PAK3: variants seen among roughly 807,000 people sequenced by gnomAD.
The protein encoded by PAK3 is p21 (RAC1) activated kinase 3.
In PAK3, 4 loss-of-function variants were observed where a neutral mutation model predicts 41.0. The ratio of observed to expected loss-of-function variants is 0.10; its 90% confidence interval spans 0.05 to 0.22. The LOEUF (loss-of-function observed/expected upper bound fraction) is 0.22, where lower values mean the gene tolerates loss of function less well. Among genes scored for constraint, PAK3 ranks in the 10% least tolerant of loss-of-function variants. The pLI, the probability that PAK3 is intolerant of heterozygous loss-of-function variation, is 1.00. For missense variants in PAK3, 205 were observed against 409.9 expected, an observed-to-expected ratio of 0.50 and a Z score of 4.32; for synonymous variants, 146 against 139.6, an observed-to-expected ratio of 1.05 and a Z score of -0.32.
chrX:111,147,759 G>T lies in PAK3; in HGVS notation c.299G>T (p.Arg100Leu). The T allele has an allele frequency of 1.7e-6, 2 of 1,205,203 alleles. No homozygotes were observed. The highest frequency in any genetic ancestry group is 2.2e-6 in the Non-Finnish European group (2 of 889,789). The change falls in exon 7 of 18, where the codon CGA (arginine) becomes CTA (leucine). Residue 100 changes from arginine to leucine, a missense_variant. Arg to Leu is a moderately radical substitution (Grantham distance 102). Around this residue, in one of 5 missense-constraint regions of PAK3, gnomAD observed 22 missense variants for 83.5 expected, o/e 0.26. Transcript: ENST00000372007. ...CAGGGAATTCCAGAGCAATGGGCAC[G>T]ATTACTCCAAACTTCCAACATAACA... ...EFTGIPEQWA[R>L]LLQTSNITKL...
intron 5 of PAK3, among the ~76,000 whole-genome samples, chrX:111,134,278 G>A (rs1304328103): frequency 9.0e-6 from 1 of 111,627 alleles, no homozygotes; most frequent in Admixed American, 9.5e-5. Flanking sequence ...CCCCACTGTT[G>A]GGGGAAAAAC....
intron 1 of PAK3, among the ~76,000 whole-genome samples, chrX:111,039,307 C>T (rs929330057): frequency 8.9e-6 from 1 of 112,097 alleles, no homozygotes; most frequent in African/African-American, 3.2e-5. Flanking sequence ...CTGTTTCATT[C>T]GTGTGCTGGA....
chrX:110,987,930 C>T (rs1282652361), intron 1 of PAK3, among the ~76,000 whole-genome samples: 2 of 112,040 alleles, frequency 1.8e-5, no homozygotes, highest in African/African-American at 6.5e-5. Flanking sequence ...AGCAGCTTAT[C>T]GAACCTCTGA....
At chrX:111,078,222 T>A (rs1411058892) in intron 1 of PAK3, among the ~76,000 whole-genome samples, 1 of 110,654 alleles carries the variant, frequency 9.0e-6, no homozygotes, top group Non-Finnish European at 1.9e-5. Context: ...TATTGTACTT[T>A]GTTTAATTGT....
At position 110,969,528 on chromosome X, in the gene PAK3, C is replaced by T. The variant is rs1459935456; in HGVS notation, c.-28+24900C>T. Among the ~76,000 whole-genome samples, 7 of 104,261 alleles carry T rather than the reference C, an allele frequency of 6.7e-5. No homozygotes were observed. In the Middle Eastern group the frequency reaches 0.019, roughly 284 times the overall value. 90.5% of individuals were successfully genotyped at this position (104,261 alleles called of 115,157 possible). On this transcript the variant is annotated intron_variant, in intron 1 of 14. Transcript: ENST00000425146. ...GTTGGCCAGGCTGGTCTCAAACTTC[C>T]GACCTCAGGTGATCTGCCCACATTG...
intron 1 of PAK3, among the ~76,000 whole-genome samples, chrX:111,089,771 A>G (rs1482546207): frequency 9.0e-6 from 1 of 110,920 alleles, no homozygotes; most frequent in Admixed American, 9.6e-5. Context: ...GGAGTGTGAC[A>G]ATCTGGATGT....
rs747881488 is a variant in PAK3, at chrX:111,196,493, C to T, written c.1260C>T (p.Ser420=). ...TCACTCCTGAGCAAAGTAAACGAAG[C>T]ACTATGGTGGGAACCCCATATTGGA... ...AQITPEQSKR[S]TMVGTPYWMA... The change falls in exon 16 of 18, where the codon AGC becomes AGT. Residue 420 remains serine, a synonymous_variant. Coordinates refer to ENST00000372007, the MANE Select transcript of PAK3 (RefSeq NM_002578.5). The T allele has an allele frequency of 5.8e-6, 7 of 1,208,987 alleles. No individual in the cohort carries two copies. Among genetic ancestry groups the T allele is most frequent in the Non-Finnish European group, 7.8e-6 (7 of 892,848 alleles).
chrX:111,190,711 G>A (rs2094553002), intron 11 of PAK3, among the ~76,000 whole-genome samples: 1 of 111,743 alleles, frequency 8.9e-6, no homozygotes, highest in Non-Finnish European at 1.9e-5. Flanking sequence ...AATACAAGGA[G>A]AAGGGAAAAG....
chrX:111,216,631 G>A, intron 17 of PAK3, 73 bp downstream of exon 17: 5 of 861,989 alleles, frequency 5.8e-6, no homozygotes, highest in Middle Eastern at 2.8e-4. Context: ...GTGACAGAGA[G>A]CTCTGTCAAG....
At chrX:110,986,435 C>T (rs2091545886) in intron 1 of PAK3, among the ~76,000 whole-genome samples, 1 of 111,743 alleles carries the variant, frequency 8.9e-6, no homozygotes, top group African/African-American at 3.3e-5. Flanking sequence ...AGAGGGAAAA[C>T]ACAGCATAAT....
At chrX:111,019,232 T>A (rs188467829) in intron 1 of PAK3, among the ~76,000 whole-genome samples, 80 of 111,258 alleles carry the variant, frequency 7.2e-4, no homozygotes, top group Non-Finnish European at 1.3e-3. Flanking sequence ...AACAAAAAAA[T>A]GGATAAGTTG....
intron 1 of PAK3, among the ~76,000 whole-genome samples, chrX:111,072,235 C>G (rs2092750861): frequency 8.9e-6 from 1 of 112,794 alleles, no homozygotes; most frequent in Non-Finnish European, 1.9e-5. Context: ...CATTTCCCAA[C>G]CACTTATCCA....
chrX:111,211,263 G>A (rs2094815977), intron 16 of PAK3, among the ~76,000 whole-genome samples: 1 of 110,863 alleles, frequency 9.0e-6, no homozygotes, highest in South Asian at 3.9e-4. Context: ...ATACAGGACT[G>A]CCTAAGGAAT....
chrX:111,121,391 T>C (rs1211031413), intron 4 of PAK3, among the ~76,000 whole-genome samples: 1 of 112,164 alleles, frequency 8.9e-6, no homozygotes, highest in Non-Finnish European at 1.9e-5. Flanking sequence ...AGCTATTAAT[T>C]GATAGTAACC....
rs190435159 is a variant in PAK3 at position 111,163,723 on chromosome X, G to A, written c.762G>A (p.Lys254=). The change falls in exon 10 of 18, where the codon AAG becomes AAA. Residue 254 remains lysine, a synonymous_variant. Transcript: ENST00000372007. Reference sequence around the variant, plus strand: ...TGACAGATGAGGAGATCTTAGAGAAGCTAAGTGAGTACTTCTTGCCATGAT... The same window carrying A: ...TGACAGATGAGGAGATCTTAGAGAAACTAAGTGAGTACTTCTTGCCATGAT... ...SKMTDEEILE[K]LRSIVSVGDP... is the part of the protein sequence containing the mutation. 2 of 1,177,889 alleles carry A rather than the reference G, an allele frequency of 1.7e-6. No homozygotes were observed. The highest frequency in any genetic ancestry group is 3.5e-5 in the African/African-American group (2 of 56,592).
At chrX:111,130,648 T>C (rs188398492) in intron 5 of PAK3, among the ~76,000 whole-genome samples, 2 of 112,114 alleles carry the variant, frequency 1.8e-5, no homozygotes, top group African/African-American at 3.2e-5. Context: ...AAAGATATTA[T>C]AATAAGAGCA....
chrX:111,059,811 T>A lies in PAK3; in HGVS notation c.-27-63266T>A, dbSNP rs1324390871. ...ATATCCTGCAACCTTGCTGAACTTA[T>A]TTGTCTAACAGTTTTTTAGTGAATT... is the stretch of plus-strand genomic sequence containing the variant. On this transcript the variant is annotated intron_variant, in intron 1 of 14. Transcript: ENST00000425146. 2.7e-5 allele frequency among the ~76,000 whole-genome samples: 3 copies of A among 112,109 alleles called. No homozygotes were observed. The Admixed American group carries it at 2.8e-4, about 11-fold the overall frequency.
intron 16 of PAK3, among the ~76,000 whole-genome samples, chrX:111,215,890 A>T (rs149985066): frequency 1.4e-4 from 16 of 112,267 alleles, no homozygotes; most frequent in Non-Finnish European, 3.0e-4. Context: ...TCTCTCATCC[A>T]GGCACTGGCA....
At chrX:111,025,224 A>G (rs2092252159) in intron 1 of PAK3, among the ~76,000 whole-genome samples, 1 of 111,164 alleles carries the variant, frequency 9.0e-6, no homozygotes, top group Non-Finnish European at 1.9e-5. Flanking sequence ...CTAAGATCAC[A>G]CCTCACAGAA....
Sources: allele counts gnomAD v4.1 joint callset (sites outside exome capture counted in the v4.1 genomes callset), GRCh38; gene constraint gnomAD v4.1.1; regional missense constraint gnomAD v4.1.1; transcripts MANE v1.5; gene names NCBI Gene and HGNC (gene_info 2026-07-23, HGNC 2026-07-21).